NEGR1: variants seen among roughly 807,000 people sequenced by gnomAD.
NEGR1 encodes neuronal growth regulator 1.
In NEGR1, 10 loss-of-function variants were observed where a neutral mutation model predicts 40.9. That is an observed-to-expected ratio of 0.24 (90% CI 0.15 to 0.42). NEGR1 has a LOEUF of 0.42. Ranked by LOEUF, NEGR1 falls within the 10% of genes least tolerant of loss-of-function variation. The pLI is 1.00. For missense variants in NEGR1, 352 were observed against 438.9 expected (o/e 0.80, Z 1.77); for synonymous variants, 185 against 166.8 (o/e 1.11, Z -0.84).
At chr1:71,592,747 G>T in intron 6 of NEGR1, 70 bp downstream of exon 6, 1 of 1,253,708 alleles carries the variant, frequency 8.0e-7, no homozygotes, top group Non-Finnish European at 1.1e-6. Context: ...CCATTCTTAG[G>T]TTTTATCTCT....
intron 6 of NEGR1, among the ~76,000 whole-genome samples, chr1:71,451,290 G>A (rs1294577879): frequency 2.6e-5 from 4 of 151,484 alleles, no homozygotes; most frequent in Non-Finnish European, 5.9e-5. Flanking sequence ...AATGATCCCA[G>A]GAAAGAACCA....
chr1:71,806,368 A>C (rs1657771129), intron 2 of NEGR1, among the ~76,000 whole-genome samples: 1 of 152,070 alleles, frequency 6.6e-6, no homozygotes, highest in African/African-American at 2.4e-5. Context: ...AAAATGGTTA[A>C]AGTGTAAAGC....
chr1:71,963,508 A>G (rs1051594722), intron 1 of NEGR1, among the ~76,000 whole-genome samples: 1 of 152,210 alleles, frequency 6.6e-6, no homozygotes, highest in Admixed American at 6.5e-5. Flanking sequence ...TCATAGAGGT[A>G]GAATTGCTGG....
At chr1:71,451,676 A>G (rs565807077) in intron 6 of NEGR1, among the ~76,000 whole-genome samples, 1 of 152,304 alleles carries the variant, frequency 6.6e-6, no homozygotes, top group African/African-American at 2.4e-5. Flanking sequence ...GGCCAATACT[A>G]TGCATACAGC....
chr1:72,005,247 AG>A (rs1419933926), intron 1 of NEGR1, among the ~76,000 whole-genome samples: 1 of 151,970 alleles, frequency 6.6e-6, no homozygotes, highest in African/African-American at 2.4e-5. Context: ...AGGGTGGGGG[AG>A]GCAAAATAAG....
chr1:71,726,676 A>G (rs556354241), intron 3 of NEGR1, among the ~76,000 whole-genome samples: 1 of 152,186 alleles, frequency 6.6e-6, no homozygotes, highest in South Asian at 2.1e-4. Flanking sequence ...CAGCATCAAT[A>G]TCAATTTTCC....
chr1:71,885,167 C>T (rs1047306138), intron 2 of NEGR1, among the ~76,000 whole-genome samples: 2 of 152,158 alleles, frequency 1.3e-5, no homozygotes, highest in African/African-American at 4.8e-5. Context: ...AACAAACAGC[C>T]CTCAAATGGT....
chr1:72,044,330 TAAA>T (rs534733009), intron 1 of NEGR1, among the ~76,000 whole-genome samples: 3 of 131,582 alleles, frequency 2.3e-5, no homozygotes, highest in Non-Finnish European at 3.3e-5. Context: ...AGGTCTAAGT[TAAA>T]AAAAAAAAAA....
intron 2 of NEGR1, among the ~76,000 whole-genome samples, chr1:71,906,252 G>T (rs956615392): frequency 6.6e-6 from 1 of 151,982 alleles, no homozygotes; most frequent in Non-Finnish European, 1.5e-5. Flanking sequence ...GGGGGAAAGG[G>T]AGTGAGGGAC....
In NEGR1 at chr1:72,246,356, A is replaced by T. The variant is rs1013719539; in HGVS notation, c.176+35963T>A. Among the ~76,000 whole-genome samples the T allele has an allele frequency of 7.2e-5, 11 of 152,248 alleles. No individual in the cohort carries two copies. In the East Asian group the frequency reaches 1.5e-3, roughly 21 times the overall value. On this transcript the variant is annotated intron_variant, in intron 1 of 6. Transcript: ENST00000357731. The stretch of plus-strand genomic sequence containing the variant: ...TCTAGTTTTCAATCCTTACCTCCTG[A>T]TTTGCCTCCTCTATGCACTGTGCTC...
intron 6 of NEGR1, among the ~76,000 whole-genome samples, chr1:71,554,588 C>A (rs1287985706): frequency 2.0e-5 from 3 of 151,236 alleles, no homozygotes; most frequent in Non-Finnish European, 4.4e-5. Context: ...CTGTTTTTGC[C>A]CTCAAACTCC....
At chr1:71,503,107 C>G (rs1260321102) in intron 6 of NEGR1, among the ~76,000 whole-genome samples, 1 of 152,164 alleles carries the variant, frequency 6.6e-6, no homozygotes, top group African/African-American at 2.4e-5. Flanking sequence ...GCAGGGACTA[C>G]TCTCAAACCA....
intron 6 of NEGR1, among the ~76,000 whole-genome samples, chr1:71,451,333 A>ATTTTTTTTTTTTTT (rs35201330): frequency 3.6e-5 from 5 of 138,356 alleles, no homozygotes; most frequent in African/African-American, 1.4e-4. Flanking sequence ...AGTGCTACAG[A>ATTTTTTTTTTTTTT]TTTTTTTTTT....
At chr1:72,158,559 C>T (rs1651444209) in intron 1 of NEGR1, among the ~76,000 whole-genome samples, 2 of 152,272 alleles carry the variant, frequency 1.3e-5, no homozygotes, top group South Asian at 4.1e-4. Flanking sequence ...ACTCAATGAT[C>T]CCTGGCATTT....
chr1:72,045,842 C>T (rs942967902), intron 1 of NEGR1, among the ~76,000 whole-genome samples: 2 of 151,636 alleles, frequency 1.3e-5, no homozygotes, highest in African/African-American at 4.8e-5. Flanking sequence ...TATGTAGTTT[C>T]ATATGGAGTT....
intron 6 of NEGR1, among the ~76,000 whole-genome samples, chr1:71,509,526 T>G (rs1647058989): frequency 1.3e-5 from 2 of 152,330 alleles, no homozygotes; most frequent in African/African-American, 2.4e-5. Flanking sequence ...AAAAGGAAAC[T>G]TCGTAACTTG....
chr1:71,432,896 A>T (rs1163007277), intron 6 of NEGR1, among the ~76,000 whole-genome samples: 1 of 152,230 alleles, frequency 6.6e-6, no homozygotes, highest in South Asian at 2.1e-4. Context: ...GGCTTAATAG[A>T]TTTGTATGTC....
At chr1:71,709,866 T>G (rs1447920886) in intron 3 of NEGR1, among the ~76,000 whole-genome samples, 2 of 152,078 alleles carry the variant, frequency 1.3e-5, no homozygotes, top group African/African-American at 4.8e-5. Context: ...CATGGACAAA[T>G]GAGATCACAT....
At chr1:71,816,472 C>T (rs937889175) in intron 2 of NEGR1, among the ~76,000 whole-genome samples, 2 of 152,046 alleles carry the variant, frequency 1.3e-5, no homozygotes, top group Non-Finnish European at 2.9e-5. Flanking sequence ...GGAGCAAAGG[C>T]ATGTCTTAGG....
Sources: allele counts gnomAD v4.1 joint callset (sites outside exome capture counted in the v4.1 genomes callset), GRCh38; gene constraint gnomAD v4.1.1; transcripts MANE v1.5; gene names NCBI Gene and HGNC (gene_info 2026-07-23, HGNC 2026-07-21).